The following DIAPH2 variants were observed in gnomAD, a reference collection of about 807,000 sequenced individuals.
DIAPH2 encodes the protein protein diaphanous homolog 2.
In DIAPH2, 35 loss-of-function variants were observed where a neutral mutation model predicts 92.7. The observed-to-expected ratio is 0.38, with a 90% CI of 0.29 to 0.50. The LOEUF (loss-of-function observed/expected upper bound fraction) is 0.50, where lower values mean the gene tolerates loss of function less well. Among genes scored for constraint, DIAPH2 ranks in the 20% least tolerant of loss-of-function variants. The probability of loss-of-function intolerance (pLI) is 0.94; values close to 1 mark genes in which losing one functional copy is unlikely to be tolerated. For synonymous variants in DIAPH2, 301 were observed against 280.4 expected, an observed-to-expected ratio of 1.07 and a Z score of -0.73; for missense variants, 701 against 819.5, an observed-to-expected ratio of 0.86 and a Z score of 1.77.
intron 25 of DIAPH2, among the ~76,000 whole-genome samples, chrX:97,394,876 G>A (rs189202751): frequency 9.0e-6 from 1 of 111,552 alleles, no homozygotes; most frequent in Non-Finnish European, 1.9e-5. Context: ...GCCTGTGATT[G>A]AAATGAGTTT....
intron 22 of DIAPH2, among the ~76,000 whole-genome samples, chrX:97,155,454 T>C (rs1021949084): frequency 9.3e-6 from 1 of 108,103 alleles, no homozygotes; most frequent in South Asian, 4.2e-4. Context: ...TGAGCCGAGA[T>C]TGCACCACTG....
intron 23 of DIAPH2, among the ~76,000 whole-genome samples, chrX:97,277,075 A>G (rs2068457734): frequency 8.9e-6 from 1 of 112,481 alleles, no homozygotes; most frequent in Non-Finnish European, 1.9e-5. Flanking sequence ...GGTGGCTCAC[A>G]CCTGTAATCC....
chrX:96,879,186 A>G (rs2065197275), intron 4 of DIAPH2, among the ~76,000 whole-genome samples: 1 of 111,747 alleles, frequency 8.9e-6, no homozygotes, highest in Non-Finnish European at 1.9e-5. Context: ...GTAATACTGT[A>G]AATGATATTT....
At chrX:96,779,608 G>C (rs925492870) in intron 4 of DIAPH2, among the ~76,000 whole-genome samples, 3 of 112,188 alleles carry the variant, frequency 2.7e-5, no homozygotes, top group Non-Finnish European at 5.6e-5. Context: ...TCTTACTTCA[G>C]ATTGCTATTT....
chrX:97,208,482 C>G (rs1212828030), intron 22 of DIAPH2, among the ~76,000 whole-genome samples: 2 of 111,975 alleles, frequency 1.8e-5, no homozygotes, highest in Admixed American at 9.5e-5. Context: ...AGTCTGTTTT[C>G]AGATTAACTT....
At chrX:97,447,732 A>AT (rs2070324586) in intron 26 of DIAPH2, among the ~76,000 whole-genome samples, 1 of 111,396 alleles carries the variant, frequency 9.0e-6, no homozygotes, top group African/African-American at 3.3e-5. Context: ...CCACCGTTAC[A>AT]TTTTTTACGG....
At chrX:96,710,385 C>T (rs2063910519) in intron 1 of DIAPH2, among the ~76,000 whole-genome samples, 2 of 111,365 alleles carry the variant, frequency 1.8e-5, no homozygotes, top group South Asian at 7.5e-4. Flanking sequence ...CCATTTATGT[C>T]TTTTTAATGA....
At chrX:96,993,693 G>A (rs889230504) in intron 17 of DIAPH2, among the ~76,000 whole-genome samples, 24 of 111,811 alleles carry the variant, frequency 2.1e-4, no homozygotes, top group African/African-American at 2.9e-4. Context: ...GACTCAGAAC[G>A]TAACTATATC....
At chrX:96,824,746 A>C (rs1040333906) in intron 4 of DIAPH2, among the ~76,000 whole-genome samples, 1 of 111,245 alleles carries the variant, frequency 9.0e-6, no homozygotes, top group Non-Finnish European at 1.9e-5. Context: ...CTAATTATTT[A>C]TGTAAGGGTT....
intron 17 of DIAPH2, among the ~76,000 whole-genome samples, chrX:97,065,941 C>T (rs1056530410): frequency 6.3e-5 from 7 of 111,716 alleles, no homozygotes; most frequent in African/African-American, 1.3e-4. Context: ...AACAGGAAAA[C>T]GCTTACAGAA....
At chrX:97,053,331 C>T (rs959385420) in intron 17 of DIAPH2, among the ~76,000 whole-genome samples, 6 of 111,309 alleles carry the variant, frequency 5.4e-5, no homozygotes, top group South Asian at 3.8e-4. Context: ...GTTATCTGTA[C>T]GTTTTAAATT....
In DIAPH2 at chrX:97,134,295, C is replaced by T. The variant is rs186063810; in HGVS notation, c.2590-7370C>T. 1.4e-3 allele frequency among the ~76,000 whole-genome samples: 154 copies of T among 111,601 alleles called. 1 individual carries two copies. The highest frequency in any genetic ancestry group is 4.8e-3 in the African/African-American group (147 of 30,713). On this transcript the variant is annotated intron_variant, in intron 21 of 26. Transcript: ENST00000324765. ...CAAGAACACTTAGAGCAATTCTGTC[C>T]TTCAGATGCCACAAATTGCTAGATA...
intron 26 of DIAPH2, among the ~76,000 whole-genome samples, chrX:97,430,768 A>G (rs899062433): frequency 2.7e-5 from 3 of 112,162 alleles, no homozygotes; most frequent in Non-Finnish European, 5.6e-5. Context: ...GGCCCAGAAC[A>G]TAGTTGTCCA....
intron 22 of DIAPH2, among the ~76,000 whole-genome samples, chrX:97,217,231 C>T (rs1050704431): frequency 9.0e-6 from 1 of 111,709 alleles, no homozygotes; most frequent in African/African-American, 3.3e-5. Flanking sequence ...ACATTTAAAA[C>T]TATGGGACTG....
At chrX:97,409,339 G>C (rs907358861) in intron 25 of DIAPH2, among the ~76,000 whole-genome samples, 1 of 111,894 alleles carries the variant, frequency 8.9e-6, no homozygotes, top group East Asian at 2.8e-4. Context: ...AACATTGTTT[G>C]AGGGTAGCTG....
At chrX:97,541,073 T>A (rs1185122064) in intron 26 of DIAPH2, among the ~76,000 whole-genome samples, 1 of 111,512 alleles carries the variant, frequency 9.0e-6, no homozygotes, top group Non-Finnish European at 1.9e-5. Flanking sequence ...AACTATCTTA[T>A]AAGTACAATA....
At chrX:96,829,009 G>T (rs143712666) in intron 4 of DIAPH2, among the ~76,000 whole-genome samples, 1,832 of 111,916 alleles carry the variant, frequency 0.016, 26 homozygotes, top group Non-Finnish European at 0.026. Context: ...CATGCTTTCC[G>T]ATTATAAAAT....
chrX:96,868,928 G>A (rs1459610172), intron 4 of DIAPH2, among the ~76,000 whole-genome samples: 1 of 111,737 alleles, frequency 8.9e-6, no homozygotes, highest in African/African-American at 3.3e-5. Context: ...AGAATATAGT[G>A]TCCAATTAAA....
At chrX:97,128,559 T>C (rs753561211) in intron 21 of DIAPH2, among the ~76,000 whole-genome samples, 1 of 111,339 alleles carries the variant, frequency 9.0e-6, no homozygotes, top group Non-Finnish European at 1.9e-5. Context: ...CAAGACCCCA[T>C]CTTAACAAAA....
Sources: allele counts gnomAD v4.1 joint callset (sites outside exome capture counted in the v4.1 genomes callset), GRCh38; gene constraint gnomAD v4.1.1; transcripts MANE v1.5; gene names NCBI Gene and HGNC (gene_info 2026-07-23, HGNC 2026-07-21).